ORC6: variants seen among roughly 807,000 people sequenced by gnomAD.
The protein encoded by ORC6 is origin recognition complex subunit 6.
In ORC6, 31 loss-of-function variants were observed where a neutral mutation model predicts 30.0. That is an observed-to-expected ratio of 1.03 (90% CI 0.78 to 1.40). ORC6 has a LOEUF of 1.40. ORC6 is among the 40% of genes most tolerant of loss of function. The pLI is 0.00. For missense variants in ORC6, 340 were observed against 304.3 expected (o/e 1.12, Z -0.87); for synonymous variants, 136 against 111.2 (o/e 1.22, Z -1.40).
At chr16:46,696,625 G>T (rs1208611724) in intron 6 of ORC6, among the ~76,000 whole-genome samples, 2 of 151,956 alleles carry the variant, frequency 1.3e-5, no homozygotes, top group Non-Finnish European at 2.9e-5. Context: ...TGATTTTTTG[G>T]TTTTTTTGTT....
rs140494429 is a variant in ORC6 at position 46,689,739 on chromosome 16, C to T, written c.34C>T (p.Arg12Cys). The change falls in exon 1 of 7, where the codon CGC (arginine) becomes TGC (cysteine). Residue 12 changes from arginine to cysteine, a missense_variant. Coordinates refer to ENST00000219097, the MANE Select transcript of ORC6 (RefSeq NM_014321.4). ...GSELIGRLAP[R>C]LGLAEPDMLR... ...GGAGCTGATCGGGCGCCTAGCCCCG[C>T]GCCTGGGCCTCGCCGAGCCCGACAT... 18 of 1,601,970 alleles carry T rather than the reference C, an allele frequency of 1.1e-5. No individual in the cohort carries two copies. Among genetic ancestry groups the T allele is most frequent in the East Asian group, 1.1e-4 (5 of 44,532 alleles).
At chr16:46,696,165 A>T in intron 6 of ORC6, 80 bp downstream of exon 6, 1 of 961,892 alleles carries the variant, frequency 1.0e-6, no homozygotes. Context: ...CTTGCCTGAC[A>T]GGAGTCCAGT....
chr16:46,689,894 C>CG, intron 1 of ORC6, 124 bp downstream of exon 1: 11 of 1,322,884 alleles, frequency 8.3e-6, no homozygotes, highest in Non-Finnish European at 1.1e-5. Context: ...TGGGGCCGGG[C>CG]GGGGTTTAGG....
At position 46,692,562 on chromosome 16, in the gene ORC6, A is replaced by G; in HGVS notation, c.359+17A>G. On this transcript the variant is annotated intron_variant, in intron 3 of 6. Transcript: ENST00000219097. Reference sequence around the variant, plus strand: ...ACTAAAAAGGTATGGGGCATAGAGAACCTTAATTGAAAATGTATACCAATA... The same window carrying G: ...ACTAAAAAGGTATGGGGCATAGAGAGCCTTAATTGAAAATGTATACCAATA... 1.2e-6 allele frequency: 2 copies of G among 1,609,112 alleles called. No individual in the cohort carries two copies. The highest frequency in any genetic ancestry group is 1.7e-6 in the Non-Finnish European group (2 of 1,176,150).
intron 4 of ORC6, chr16:46,694,932 C>A (rs919717653): frequency 1.3e-5 from 2 of 152,504 alleles, no homozygotes; most frequent in African/African-American, 2.4e-5. Flanking sequence ...ATGCTTGGCT[C>A]TATTAGGTAC....
At chr16:46,695,073 A>G (rs1333772322) in intron 4 of ORC6, 7 of 180,792 alleles carry the variant, frequency 3.9e-5, no homozygotes, top group Non-Finnish European at 8.2e-5. Flanking sequence ...TTTTGAAACC[A>G]TATTACGCTG....
chr16:46,692,781 T>G (rs1204532516), intron 3 of ORC6, among the ~76,000 whole-genome samples: 1 of 152,128 alleles, frequency 6.6e-6, no homozygotes, highest in Non-Finnish European at 1.5e-5. Context: ...GGCAGGAGAA[T>G]TGCTTGAACC....
Position 46,695,589 on chromosome 16 carries a change from C to G in ORC6, c.477C>G (p.Asn159Lys). 2 of 1,613,262 alleles carry G rather than the reference C, an allele frequency of 1.2e-6. No individual in the cohort carries two copies. The highest frequency in any genetic ancestry group is 1.7e-6 in the Non-Finnish European group (2 of 1,179,268). The change falls in exon 5 of 7, where the codon AAC becomes AAG. Residue 159 changes from asparagine to lysine, a missense_variant. Asn to Lys is a moderately conservative substitution (Grantham distance 94). Coordinates refer to ENST00000219097, the MANE Select transcript of ORC6 (RefSeq NM_014321.4). ...TTCTAAAGCTGAAAGTGGATAAAAA[C>G]AAAATGGTAGCCACATCCGGTGTAA... ...CKILKLKVDKNKMVATSGVKK... is the reference protein window; with the variant it reads ...CKILKLKVDKKKMVATSGVKK...
chr16:46,697,480 G>A lies in ORC6; in HGVS notation c.654G>A (p.Met218Ile), dbSNP rs781631637. 27 of 1,613,290 alleles carry A rather than the reference G, an allele frequency of 1.7e-5. No homozygotes were observed. The highest frequency in any genetic ancestry group is 2.2e-5 in the Non-Finnish European group (26 of 1,179,402). Reference sequence around the variant, plus strand: ...CAGAAATGGAGAAGGTAGAGGAGATGCCACATAAACCACAGAAAGATGAAG... The same window carrying A: ...CAGAAATGGAGAAGGTAGAGGAGATACCACATAAACCACAGAAAGATGAAG... The part of the protein sequence containing the change: ...PAKEMEKVEE[M>I]PHKPQKDEDL... The change falls in exon 7 of 7, where the codon ATG becomes ATA. Residue 218 changes from methionine to isoleucine, a missense_variant. Met to Ile is a conservative substitution (Grantham distance 10). Transcript: ENST00000219097.
intron 2 of ORC6, among the ~76,000 whole-genome samples, chr16:46,691,995 CT>C (rs1170457025): frequency 1.3e-5 from 2 of 151,062 alleles, no homozygotes; most frequent in African/African-American, 4.9e-5. Context: ...ACCCCGCCCC[CT>C]ACTCCACTCC....
In ORC6 at chr16:46,693,146, C is replaced by T. The variant is rs3218745; in HGVS notation, c.413C>T (p.Pro138Leu). 1.9e-6 allele frequency: 3 copies of T among 1,613,142 alleles called. No homozygotes were observed. The East Asian group carries it at 6.7e-5, about 36-fold the overall frequency. ...TQQVDLDLSR[P>L]LFTSAALLSA... Reference sequence around the variant, plus strand: ...CAAGTGGATCTTGACTTATCCAGGCCACTTTTCACTTCTGCTGCACTGCTT... The same window carrying T: ...CAAGTGGATCTTGACTTATCCAGGCTACTTTTCACTTCTGCTGCACTGCTT... The change falls in exon 4 of 7, where the codon CCA becomes CTA. Residue 138 changes from proline (P) to leucine (L), a missense_variant. Physicochemically the swap from Pro to Leu is moderately conservative, Grantham distance 98. Transcript: ENST00000219097.
At chr16:46,689,993 A>G (rs1181159633) in intron 1 of ORC6, among the ~76,000 whole-genome samples, 1 of 152,208 alleles carries the variant, frequency 6.6e-6, no homozygotes, top group Non-Finnish European at 1.5e-5. Context: ...CGTCCCTGGG[A>G]ACAGCCAGCC....
chr16:46,696,690 C>T (rs1966521325), intron 6 of ORC6, among the ~76,000 whole-genome samples: 1 of 152,148 alleles, frequency 6.6e-6, no homozygotes, highest in African/African-American at 2.4e-5. Flanking sequence ...TGGCCTGGTT[C>T]TCTCACCCAT....
chr16:46,697,724 A>C lies in ORC6; in HGVS notation c.*139A>C. The C allele has an allele frequency of 2.1e-6, 2 of 944,356 alleles. No homozygotes were observed. Among genetic ancestry groups the C allele is most frequent in the Non-Finnish European group, 3.4e-6 (2 of 594,892 alleles). 58.5% of individuals were successfully genotyped at this position (944,356 alleles called of 1,614,324 possible). A position where few individuals can be genotyped will look rare whatever the true frequency, so the allele number is the denominator to read the frequency against. ...TTGCCTTTAAATAGCAAAGCAGCCTACCTGGAGGCTAAGTCTGGGCAGTGG... is the reference window on the plus strand; with the variant it reads ...TTGCCTTTAAATAGCAAAGCAGCCTCCCTGGAGGCTAAGTCTGGGCAGTGG... On this transcript the variant is annotated 3_prime_UTR_variant, in exon 7 of 7. Coordinates refer to ENST00000219097, the MANE Select transcript of ORC6 (RefSeq NM_014321.4).
At position 46,694,748 on chromosome 16, in the gene ORC6, C is replaced by A. The variant is rs552221228; in HGVS notation, c.450-814C>A. Among the ~76,000 whole-genome samples, 13 of 151,420 alleles carry A rather than the reference C, an allele frequency of 8.6e-5. No homozygotes were observed. In the South Asian group the frequency reaches 1.9e-3, roughly 22 times the overall value. On this transcript the variant is annotated intron_variant, in intron 4 of 6. Transcript: ENST00000219097. ...GATAAATTATCACATCTGAATCTTA[C>A]AATTGTGGGTTATCTATGTGTATGC... is the stretch of plus-strand genomic sequence containing the variant.
intron 2 of ORC6, 109 bp downstream of exon 2, chr16:46,691,229 G>A (rs373813142): frequency 9.8e-7 from 1 of 1,022,372 alleles, no homozygotes; most frequent in Non-Finnish European, 1.5e-6. Context: ...AATTGTCCTG[G>A]GTATTCTTGT....
rs1038415199 is a variant in ORC6 at position 46,698,087 on chromosome 16, C to T, written c.*502C>T. On this transcript the variant is annotated 3_prime_UTR_variant, in exon 7 of 7. Coordinates refer to ENST00000219097, the MANE Select transcript of ORC6 (RefSeq NM_014321.4). ...CCGAGATTGCACCACCGCACTCCAGCCTGGGTGACAGAGCGAGACTTATCT... is the reference window on the plus strand; with the variant it reads ...CCGAGATTGCACCACCGCACTCCAGTCTGGGTGACAGAGCGAGACTTATCT... 7.0e-6 allele frequency: 3 copies of T among 430,346 alleles called. No homozygotes were observed. Among genetic ancestry groups the T allele is most frequent in the African/African-American group, 6.1e-5 (3 of 49,208 alleles). The allele number at this position is 430,346 out of a possible 1,614,324, so 26.7% of individuals were successfully genotyped here.
At position 46,691,021 on chromosome 16, in the gene ORC6, G is replaced by C. The variant is rs138213159; in HGVS notation, c.96G>C (p.Arg32=). The C allele has an allele frequency of 6.2e-6, 10 of 1,614,070 alleles. No homozygotes were observed. Among genetic ancestry groups the C allele is most frequent in the African/African-American group, 1.3e-5 (1 of 74,916 alleles). ...RKAEEYLRLS[R]VKCVGLSART... ...CAGAGGAGTACTTGCGCCTGTCCCG[G>C]GTGAAGTGTGTCGGCCTCTCCGCAC... The change falls in exon 2 of 7, where the codon CGG becomes CGC. Residue 32 remains arginine (R), a synonymous_variant. Coordinates refer to ENST00000219097, the MANE Select transcript of ORC6 (RefSeq NM_014321.4).
At position 46,697,835 on chromosome 16, in the gene ORC6, C is replaced by A. The variant is rs1007020921; in HGVS notation, c.*250C>A. On this transcript the variant is annotated 3_prime_UTR_variant, in exon 7 of 7. Transcript: ENST00000219097. ...CTTTCCTACAAAATGGAATTGGAGG[C>A]CGGGCGCAGTGGCTCACGCCTGTAA... 3 of 569,320 alleles carry A rather than the reference C, an allele frequency of 5.3e-6. No homozygotes were observed. Among genetic ancestry groups the A allele is most frequent in the Non-Finnish European group, 9.9e-6 (3 of 303,232 alleles). The allele number at this position is 569,320 out of a possible 1,614,324, so 35.3% of individuals were successfully genotyped here.
Sources: gnomAD v4.1 joint callset for allele counts (sites outside exome capture counted in the v4.1 genomes callset) on GRCh38, gnomAD v4.1.1 for gene constraint, MANE v1.5 for transcripts, NCBI Gene and HGNC (gene_info 2026-07-23, HGNC 2026-07-21) for gene names.